Variants in CDH13 observed in about 807,000 individuals in gnomAD.
CDH13 encodes cadherin 13, also known as cadherin-13.
In CDH13, 24 loss-of-function variants were observed where a neutral mutation model predicts 63.8. That is an observed-to-expected ratio of 0.38 (90% CI 0.27 to 0.53). CDH13 has a LOEUF of 0.53. Among genes scored for constraint, CDH13 ranks in the 20% least tolerant of loss-of-function variants. The pLI is 0.85. For missense variants in CDH13, 1,049 were observed against 903.1 expected (o/e 1.16, Z -2.07); for synonymous variants, 503 against 355.3 (o/e 1.42, Z -4.67).
At chr16:82,679,526 C>T (rs546936326) in intron 1 of CDH13, among the ~76,000 whole-genome samples, 1 of 152,158 alleles carries the variant, frequency 6.6e-6, no homozygotes, top group Admixed American at 6.5e-5. Flanking sequence ...ATGGTGGAAA[C>T]CGAGGCAGAA....
chr16:82,897,423 T>C (rs1307147298), intron 2 of CDH13, among the ~76,000 whole-genome samples: 1 of 152,246 alleles, frequency 6.6e-6, no homozygotes, highest in Non-Finnish European at 1.5e-5. Flanking sequence ...CTTCATGTTA[T>C]GTTTATAACT....
intron 7 of CDH13, among the ~76,000 whole-genome samples, chr16:83,524,127 T>G (rs2074902328): frequency 6.6e-6 from 1 of 152,214 alleles, no homozygotes. Flanking sequence ...TGTCACGACC[T>G]TACCATGCAC....
At chr16:83,167,990 C>G (rs1008452665) in intron 4 of CDH13, among the ~76,000 whole-genome samples, 4 of 151,944 alleles carry the variant, frequency 2.6e-5, no homozygotes, top group African/African-American at 4.8e-5. Context: ...TAAGTGGGAC[C>G]TAAACAGTGA....
chr16:83,448,102 A>G (rs1399370065), intron 6 of CDH13, among the ~76,000 whole-genome samples: 1 of 152,166 alleles, frequency 6.6e-6, no homozygotes, highest in Non-Finnish European at 1.5e-5. Flanking sequence ...CTTTTATTTT[A>G]TTATAGAGAT....
intron 10 of CDH13, among the ~76,000 whole-genome samples, chr16:83,744,570 G>C (rs116266001): frequency 1.3e-5 from 2 of 152,172 alleles, no homozygotes; most frequent in South Asian, 2.1e-4. Flanking sequence ...TGTTCCCCTA[G>C]GCTCTGCTGA....
chr16:82,943,546 C>T (rs1277083723), intron 2 of CDH13, among the ~76,000 whole-genome samples: 2 of 152,176 alleles, frequency 1.3e-5, no homozygotes, highest in Non-Finnish European at 2.9e-5. Flanking sequence ...TTTCTTCCTT[C>T]CATAAGAGGC....
intron 2 of CDH13, among the ~76,000 whole-genome samples, chr16:82,890,650 C>CTTTT (rs34036747): frequency 2.2e-5 from 3 of 139,250 alleles, no homozygotes; most frequent in African/African-American, 5.3e-5. Context: ...GAGAGACATT[C>CTTTT]TTTTTTTTTT....
intron 1 of CDH13, among the ~76,000 whole-genome samples, chr16:82,706,948 A>C (rs1172949015): frequency 6.6e-6 from 1 of 152,234 alleles, no homozygotes; most frequent in Non-Finnish European, 1.5e-5. Context: ...CTAGAGTTAT[A>C]AAATTATTCT....
At chr16:83,755,137 G>C (rs1913399738) in intron 11 of CDH13, among the ~76,000 whole-genome samples, 1 of 152,090 alleles carries the variant, frequency 6.6e-6, no homozygotes, top group South Asian at 2.1e-4. Flanking sequence ...TTACACAAGA[G>C]ATCTGAAATC....
chr16:82,879,504 A>T (rs1407430202), intron 2 of CDH13, among the ~76,000 whole-genome samples: 1 of 144,700 alleles, frequency 6.9e-6, no homozygotes, highest in Non-Finnish European at 1.5e-5. Flanking sequence ...AAATATATTT[A>T]ATATATATTT....
At chr16:82,868,784 C>T (rs993002486) in intron 2 of CDH13, among the ~76,000 whole-genome samples, 2 of 152,214 alleles carry the variant, frequency 1.3e-5, no homozygotes, top group Non-Finnish European at 2.9e-5. Flanking sequence ...TTTAGAATTT[C>T]ACCTTTAGAA....
intron 6 of CDH13, among the ~76,000 whole-genome samples, chr16:83,354,531 G>T (rs1290764587): frequency 6.6e-6 from 1 of 152,160 alleles, no homozygotes; most frequent in Non-Finnish European, 1.5e-5. Flanking sequence ...AAATGGATAA[G>T]CCAGATAATT....
At chr16:82,799,621 C>T (rs1261016117) in intron 1 of CDH13, among the ~76,000 whole-genome samples, 1 of 152,216 alleles carries the variant, frequency 6.6e-6, no homozygotes, top group African/African-American at 2.4e-5. Flanking sequence ...TTATTTCCAT[C>T]AGTGACCTTG....
At chr16:83,245,652 C>T (rs1337479049) in intron 5 of CDH13, among the ~76,000 whole-genome samples, 2 of 152,216 alleles carry the variant, frequency 1.3e-5, no homozygotes, top group African/African-American at 2.4e-5. Flanking sequence ...ACTTAGATTA[C>T]ATAAGGTTAG....
intron 5 of CDH13, among the ~76,000 whole-genome samples, chr16:83,267,939 C>A (rs1031041889): frequency 6.6e-6 from 1 of 152,184 alleles, no homozygotes; most frequent in Admixed American, 6.5e-5. Flanking sequence ...CTCTCAGTCA[C>A]AGGTGAGGGA....
chr16:83,696,996 C>G (rs1301484904), intron 10 of CDH13, among the ~76,000 whole-genome samples: 10 of 152,208 alleles, frequency 6.6e-5, no homozygotes. Context: ...CTGGCAGTCT[C>G]TCCTCCAACC....
chr16:83,263,859 A>G (rs1907273473), intron 5 of CDH13, among the ~76,000 whole-genome samples: 1 of 152,074 alleles, frequency 6.6e-6, no homozygotes, highest in African/African-American at 2.4e-5. Flanking sequence ...TGAACATCCC[A>G]CTACTTGCCA....
rs150921125 is a variant in CDH13 at position 83,438,924 on chromosome 16, T to A, written c.782-47553T>A. ...ATGTTAATCATTTCAAATGGAGGAA[T>A]TATTAGAGGCAGCACATTTATCATG... On this transcript the variant is annotated intron_variant, in intron 6 of 13. Coordinates refer to ENST00000567109, the MANE Select transcript of CDH13 (RefSeq NM_001257.5). Among the ~76,000 whole-genome samples the A allele has an allele frequency of 1.3e-3, 194 of 152,300 alleles. 1 individual carries two copies. Among genetic ancestry groups the A allele is most frequent in the Admixed American group, 5.1e-3 (78 of 15,292 alleles).
chr16:83,404,738 T>A (rs543968549), intron 6 of CDH13, among the ~76,000 whole-genome samples: 1 of 152,316 alleles, frequency 6.6e-6, no homozygotes, highest in African/African-American at 2.4e-5. Context: ...GAAATTGTGT[T>A]AAGAAACAAA....
Sources: allele counts gnomAD v4.1 joint callset (sites outside exome capture counted in the v4.1 genomes callset), GRCh38; gene constraint gnomAD v4.1.1; transcripts MANE v1.5; gene names NCBI Gene and HGNC (gene_info 2026-07-23, HGNC 2026-07-21).